The following CPNE5 variants were observed in gnomAD, a reference collection of about 807,000 sequenced individuals.
CPNE5 encodes the protein copine-5.
A neutral mutation model predicts 81.1 loss-of-function variants in CPNE5; 42 were observed. The observed-to-expected ratio is 0.52, with a 90% confidence interval of 0.40 to 0.67. The LOEUF (loss-of-function observed/expected upper bound fraction) is 0.67, where lower values mean the gene tolerates loss of function less well. Among genes scored for constraint, CPNE5 ranks in the 30% least tolerant of loss-of-function variants. The probability of loss-of-function intolerance (pLI) is 0.00; values close to 1 mark genes in which losing one functional copy is unlikely to be tolerated. For synonymous variants in CPNE5, 313 were observed against 321.5 expected, an observed-to-expected ratio of 0.97 and a Z score of 0.28; for missense variants, 612 against 815.5, an observed-to-expected ratio of 0.75 and a Z score of 3.04.
chr6:36,828,343 A>AGAG (rs1234538011), intron 1 of CPNE5, among the ~76,000 whole-genome samples: 3 of 148,924 alleles, frequency 2.0e-5, no homozygotes, highest in African/African-American at 7.4e-5. Flanking sequence ...AGGTATGGGT[A>AGAG]GAGGCTGGGG....
At chr6:36,817,838 G>A (rs946378917) in intron 3 of CPNE5, among the ~76,000 whole-genome samples, 1 of 152,246 alleles carries the variant, frequency 6.6e-6, no homozygotes, top group Non-Finnish European at 1.5e-5. Flanking sequence ...GTCCTGTTTG[G>A]AAGTCCCTTG....
chr6:36,781,180 A>C (rs1051913559), intron 8 of CPNE5, among the ~76,000 whole-genome samples: 7 of 152,158 alleles, frequency 4.6e-5, no homozygotes, highest in Non-Finnish European at 1.5e-5. Flanking sequence ...GTGCCCAGGT[A>C]ATGACGACTT....
chr6:36,754,726 T>G (rs1210000674), intron 13 of CPNE5: 1 of 152,276 alleles, frequency 6.6e-6, no homozygotes, highest in Non-Finnish European at 1.5e-5. Flanking sequence ...CCACAGTTTC[T>G]TCGTCTCTAA....
chr6:36,745,635 T>C, intron 16 of CPNE5, 120 bp from the exon 17 acceptor site: 1 of 1,143,756 alleles, frequency 8.7e-7, no homozygotes, highest in Non-Finnish European at 1.2e-6. Flanking sequence ...TCTTCTCTGG[T>C]GTGGGGTGGC....
At chr6:36,822,963 T>C (rs913803519) in intron 2 of CPNE5, 95 bp downstream of exon 2, 1 of 1,014,620 alleles carries the variant, frequency 9.9e-7, no homozygotes, top group Admixed American at 2.6e-5. Context: ...GCCTGGCACA[T>C]GGTTAGTGCT....
chr6:36,804,839 C>T (rs1337271805), intron 3 of CPNE5, among the ~76,000 whole-genome samples: 2 of 152,162 alleles, frequency 1.3e-5, no homozygotes, highest in Admixed American at 6.5e-5. Flanking sequence ...CAAGCCCACC[C>T]CCAATAACTC....
chr6:36,785,509 G>A (rs1768448467), intron 8 of CPNE5, among the ~76,000 whole-genome samples: 1 of 152,152 alleles, frequency 6.6e-6, no homozygotes, highest in Non-Finnish European at 1.5e-5. Flanking sequence ...AGTAAGCAAT[G>A]GCTTTTGGTC....
intron 11 of CPNE5, among the ~76,000 whole-genome samples, chr6:36,764,838 C>T (rs1211819792): frequency 6.6e-6 from 1 of 152,218 alleles, no homozygotes; most frequent in Non-Finnish European, 1.5e-5. Flanking sequence ...GAGCCGAGGG[C>T]TGTACGGGTA....
chr6:36,799,991 T>A lies in CPNE5; in HGVS notation c.263A>T (p.Glu88Val). The A allele has an allele frequency of 6.2e-7, 1 of 1,613,944 alleles. No individual in the cohort carries two copies. Among genetic ancestry groups the A allele is most frequent in the Non-Finnish European group, 8.5e-7 (1 of 1,179,846 alleles). The change falls in exon 4 of 21, where the codon GAG (glutamate) becomes GTG (valine). Residue 88 changes from glutamate to valine, a missense_variant. Coordinates refer to ENST00000244751, the MANE Select transcript of CPNE5 (RefSeq NM_020939.2). ...CAGATCAAAACGGAGGTTCTGCTTC[T>A]CCTCGAAAAAGTAATCCACAATGAA... ...RKFIVDYFFE[E>V]KQNLRFDLYD...
chr6:36,781,960 T>A (rs964153422), intron 8 of CPNE5, among the ~76,000 whole-genome samples: 1 of 152,130 alleles, frequency 6.6e-6, no homozygotes, highest in Non-Finnish European at 1.5e-5. Context: ...AGAGCTCTAG[T>A]CCTGGCTCTG....
chr6:36,774,885 A>G (rs1056997007), intron 10 of CPNE5, 76 bp downstream of exon 10: 1 of 1,136,934 alleles, frequency 8.8e-7, no homozygotes, highest in Non-Finnish European at 1.3e-6. Flanking sequence ...GTCAATATGA[A>G]TGGGGCCACC....
At chr6:36,764,669 G>A (rs1280808221) in intron 11 of CPNE5, among the ~76,000 whole-genome samples, 2 of 152,086 alleles carry the variant, frequency 1.3e-5, no homozygotes, top group African/African-American at 4.8e-5. Flanking sequence ...AGAAGTACTG[G>A]CCTCCCAAAG....
At chr6:36,742,995 C>A (rs1460893696) in intron 20 of CPNE5, 3 of 985,280 alleles carry the variant, frequency 3.0e-6, no homozygotes, top group Non-Finnish European at 3.6e-6. Context: ...TGGCTCACTC[C>A]TGCCTCCAGG....
chr6:36,820,290 G>A (rs116005717), intron 3 of CPNE5, among the ~76,000 whole-genome samples: 32,908 of 150,842 alleles, frequency 0.22, 4,044 homozygotes, highest in African/African-American at 0.3. Flanking sequence ...CAGCCACCAT[G>A]GCCTTGGCAG....
rs917415549 is a variant in CPNE5 at position 36,742,359 on chromosome 6, C to A, written c.1691G>T (p.Arg564Leu). 6.2e-7 allele frequency: 1 copy of A among 1,613,246 alleles called. No homozygotes were observed. Among genetic ancestry groups the A allele is most frequent in the Admixed American group, 1.7e-5 (1 of 60,018 alleles). The change falls in exon 21 of 21, where the codon CGC (arginine) becomes CTC (leucine). Residue 564 changes from arginine (R) to leucine (L), a missense_variant. By Grantham distance (102) the Arg-to-Leu change is moderately radical (BLOSUM62 -2). Coordinates refer to ENST00000244751, the MANE Select transcript of CPNE5 (RefSeq NM_020939.2). ...TGGTGCTGCGGGTGGGGGACGCGGGCGAATGCCCTGTGCCTTCATGTAGGA... is the reference window on the plus strand; with the variant it reads ...TGGTGCTGCGGGTGGGGGACGCGGGAGAATGCCCTGTGCCTTCATGTAGGA... ...LVSYMKAQGIRPRPPPAAPTH... is the reference protein window; with the variant it reads ...LVSYMKAQGILPRPPPAAPTH...
chr6:36,822,619 C>A (rs2150589232), intron 2 of CPNE5, among the ~76,000 whole-genome samples: 1 of 152,218 alleles, frequency 6.6e-6, no homozygotes, highest in Admixed American at 6.5e-5. Flanking sequence ...TTTCATGAGG[C>A]CTCTGATTAT....
intron 19 of CPNE5, 127 bp downstream of exon 19, chr6:36,744,141 C>G (rs921192105): frequency 1.3e-6 from 1 of 798,422 alleles, no homozygotes; most frequent in African/African-American, 1.7e-5. Context: ...CACGCCCAGG[C>G]GGGAGCTCTC....
chr6:36,783,314 C>T (rs1352645360), intron 8 of CPNE5, among the ~76,000 whole-genome samples: 2 of 149,930 alleles, frequency 1.3e-5, no homozygotes, highest in African/African-American at 4.9e-5. Context: ...CACAACAAAC[C>T]CCCATAACAC....
chr6:36,805,355 A>G (rs1770497456), intron 3 of CPNE5, among the ~76,000 whole-genome samples: 1 of 152,216 alleles, frequency 6.6e-6, no homozygotes, highest in African/African-American at 2.4e-5. Context: ...CTCCCTGGGC[A>G]TGCCTGTCCC....
Sources: gnomAD v4.1 joint callset for allele counts (sites outside exome capture counted in the v4.1 genomes callset) on GRCh38, gnomAD v4.1.1 for gene constraint, MANE v1.5 for transcripts, NCBI Gene and HGNC (gene_info 2026-07-23, HGNC 2026-07-21) for gene names.